The following PPIE variants were observed in gnomAD, a reference collection of about 807,000 sequenced individuals.
PPIE encodes peptidyl-prolyl cis-trans isomerase E.
A neutral mutation model predicts 38.4 loss-of-function variants in PPIE; 20 were observed. The ratio of observed to expected loss-of-function variants is 0.52; its 90% CI spans 0.37 to 0.76. PPIE has a LOEUF of 0.76. PPIE is among the 30% of genes least tolerant of loss of function. The probability of loss-of-function intolerance (pLI) is 0.00; values close to 1 mark genes in which losing one functional copy is unlikely to be tolerated. For synonymous variants in PPIE, 142 were observed against 135.7 expected, an observed-to-expected ratio of 1.05 and a Z score of -0.32; for missense variants, 322 against 385.8, an observed-to-expected ratio of 0.83 and a Z score of 1.39.
chr1:39,746,266 C>T (rs1647201435), intron 7 of PPIE: 2 of 152,188 alleles, frequency 1.3e-5, no homozygotes, highest in South Asian at 4.1e-4. Flanking sequence ...GTGATAACCT[C>T]CTTTCATGCA....
intron 9 of PPIE, chr1:39,763,278 C>A: frequency 7.2e-7 from 1 of 1,379,908 alleles, no homozygotes; most frequent in Non-Finnish European, 1.0e-6. Flanking sequence ...CATCCTCCAG[C>A]CCTGCAGGGC....
intron 9 of PPIE, among the ~76,000 whole-genome samples, chr1:39,761,834 T>G (rs1229250344): frequency 6.6e-6 from 1 of 152,220 alleles, no homozygotes. Flanking sequence ...CCTCCACGGT[T>G]GTTTTGCTTT....
rs1278295701 is a variant in PPIE, at chr1:39,741,976, T to A, written c.201+55T>A. On this transcript the variant is annotated intron_variant, in intron 4 of 9. Transcript: ENST00000324379. ...AGTTGCTTTTTGGTGGTACAGAGGC[T>A]CCTTATTCATATATCAGTGTTCTGG... 6 of 1,585,024 alleles carry A rather than the reference T, an allele frequency of 3.8e-6. No individual in the cohort carries two copies. The African/African-American group carries it at 4.0e-5, about 11-fold the overall frequency.
intron 9 of PPIE, chr1:39,762,534 G>C (rs1373168860): frequency 5.2e-6 from 8 of 1,550,284 alleles, no homozygotes; most frequent in Non-Finnish European, 7.0e-6. Context: ...CAGATACCAA[G>C]GCATCAAAAG....
downstream of PPIE, chr1:39,759,367 A>G (rs1238151923): frequency 5.3e-5 from 8 of 152,276 alleles, no homozygotes; most frequent in Non-Finnish European, 1.5e-5. Context: ...CAGGCTGCCC[A>G]TGTTGCCGAT....
chr1:39,749,360 C>T (rs1647461765), intron 8 of PPIE, among the ~76,000 whole-genome samples: 1 of 151,954 alleles, frequency 6.6e-6, no homozygotes. Context: ...GCTCTCAACC[C>T]CACTGCTCTC....
At chr1:39,749,191 A>G (rs1166031022) in intron 8 of PPIE, 103 bp downstream of exon 8, 10 of 1,239,334 alleles carry the variant, frequency 8.1e-6, no homozygotes, top group Non-Finnish European at 1.1e-5. Context: ...GGACACTAAG[A>G]GTCTGGAGGA....
chr1:39,752,446 GAC>G (rs543582592), intron 8 of PPIE, among the ~76,000 whole-genome samples: 5 of 152,038 alleles, frequency 3.3e-5, no homozygotes, highest in African/African-American at 9.7e-5. Flanking sequence ...AGTCATTGTG[GAC>G]ACACACACAC....
chr1:39,758,889 C>T (rs560898559), downstream of PPIE: 21 of 152,414 alleles, frequency 1.4e-4, no homozygotes, highest in African/African-American at 4.8e-4. Context: ...TGGCCCCAGC[C>T]TCCACCCCTG....
At chr1:39,763,680 T>C in intron 9 of PPIE, 1 of 1,579,644 alleles carries the variant, frequency 6.3e-7, no homozygotes, top group African/African-American at 1.4e-5. Context: ...GTGGTGATTG[T>C]CATTTCAGAA....
At chr1:39,751,208 G>A (rs1045608890) in intron 8 of PPIE, among the ~76,000 whole-genome samples, 12 of 152,180 alleles carry the variant, frequency 7.9e-5, no homozygotes, top group African/African-American at 2.7e-4. Flanking sequence ...TTACATAGTA[G>A]TTACATTCCT....
At chr1:39,743,400 C>T in intron 5 of PPIE, 103 bp downstream of exon 5, 1 of 991,010 alleles carries the variant, frequency 1.0e-6, no homozygotes, top group Non-Finnish European at 1.6e-6. Context: ...AATGCTGCTT[C>T]CTGGTAGATA....
In PPIE at chr1:39,755,459, C is replaced by A. The variant is rs1055129587; in HGVS notation, c.*2104C>A. ...GATATACTACATGGTTACCCCTCAC[C>A]CCTATGGAGCTTCCAAAAGAGACCC... is the stretch of plus-strand genomic sequence containing the variant. On this transcript the variant is annotated 3_prime_UTR_variant, in exon 10 of 10. Transcript: ENST00000324379. The A allele has an allele frequency of 1.0e-6, 1 of 985,298 alleles. No homozygotes were observed. The highest frequency in any genetic ancestry group is 1.2e-6 in the Non-Finnish European group (1 of 829,934). 61.0% of individuals were successfully genotyped at this position (985,298 alleles called of 1,614,324 possible). A position where few individuals can be genotyped will look rare whatever the true frequency, so the allele number is the denominator to read the frequency against.
At position 39,743,206 on chromosome 1, in the gene PPIE, A is replaced by C. The variant is rs200336267; in HGVS notation, c.202-10A>C. The C allele has an allele frequency of 1.2e-6, 2 of 1,613,188 alleles. No individual in the cohort carries two copies. The highest frequency in any genetic ancestry group is 1.7e-5 in the Admixed American group (1 of 60,016). On this transcript the variant is annotated splice_polypyrimidine_tract_variant and intron_variant, in intron 4 of 9. Transcript: ENST00000324379. The stretch of plus-strand genomic sequence containing the variant: ...GAGAGTTTAAGCAGCTGGATTTTCA[A>C]TCTTTTCAGAATGAATCTGAGCTTT...
At chr1:39,763,747 C>G in exon 10 of PPIE, 1 of 1,603,768 alleles carries the variant, frequency 6.2e-7, no homozygotes, top group Non-Finnish European at 8.5e-7. Context: ...ACGTAGAGCT[C>G]GTGCCGACGG....
In PPIE at chr1:39,756,683, T is replaced by C. The variant is rs1364110908; in HGVS notation, c.*3328T>C. On this transcript the variant is annotated 3_prime_UTR_variant, in exon 10 of 10. Transcript: ENST00000324379. The stretch of plus-strand genomic sequence containing the variant: ...CATATATAGTACAGTGTGATCCCAA[T>C]TTTGTAAAAATATCTGTAATATGTA... 20 of 892,406 alleles carry C rather than the reference T, an allele frequency of 2.2e-5. No homozygotes were observed. The highest frequency in any genetic ancestry group is 6.2e-5 in the Admixed American group (1 of 16,150). The allele number at this position is 892,406 out of a possible 1,614,324, so 55.3% of individuals were successfully genotyped here.
At chr1:39,749,899 A>G (rs1569688136) in intron 8 of PPIE, among the ~76,000 whole-genome samples, 2 of 152,292 alleles carry the variant, frequency 1.3e-5, no homozygotes, top group South Asian at 4.1e-4. Context: ...TTTGGGAGGC[A>G]GAGGCAGGCG....
chr1:39,760,701 A>G (rs564341356), downstream of PPIE: 207 of 1,214,506 alleles, frequency 1.7e-4, no homozygotes, highest in Admixed American at 3.0e-4. Flanking sequence ...CACAATAATA[A>G]TAACTATTAA....
chr1:39,760,269 G>A, downstream of PPIE: 1 of 1,279,204 alleles, frequency 7.8e-7, no homozygotes, highest in Non-Finnish European at 1.1e-6. Context: ...TAGGAGCCTG[G>A]CATGAAGGAG....
Sources: allele counts gnomAD v4.1 joint callset (sites outside exome capture counted in the v4.1 genomes callset), GRCh38; gene constraint gnomAD v4.1.1; transcripts MANE v1.5; gene names NCBI Gene and HGNC (gene_info 2026-07-23, HGNC 2026-07-21).